The following ZNF273 variants were observed in gnomAD, a reference collection of about 807,000 sequenced individuals.
ZNF273 encodes zinc finger protein 273.
Under a neutral mutation model 14.9 loss-of-function variants are expected in ZNF273, and 11 were observed. That is an observed-to-expected ratio of 0.74 (90% confidence interval 0.46 to 1.22). The LOEUF is 1.22. ZNF273 is among the 50% of genes most tolerant of loss of function. The probability of loss-of-function intolerance (pLI) is 0.00; values close to 1 mark genes in which losing one functional copy is unlikely to be tolerated. For synonymous variants in ZNF273, 199 were observed against 223.9 expected (o/e 0.89, Z 0.99); for missense variants, 577 against 660.6 (o/e 0.87, Z 1.39).
chr7:64,915,316 A>AGG (rs1793894903), intron 1 of ZNF273, among the ~76,000 whole-genome samples: 1 of 147,934 alleles, frequency 6.8e-6, no homozygotes, highest in African/African-American at 2.6e-5. Flanking sequence ...AGAGGAATTA[A>AGG]AGACACACAC....
chr7:64,933,562 A>G (rs1393909328), downstream of ZNF273: 4 of 152,202 alleles, frequency 2.6e-5, no homozygotes, highest in East Asian at 7.7e-4. Context: ...TAAAAACCCT[A>G]AAGTACATTG....
At chr7:64,895,054 T>C (rs1231303562) in intron 3 of ZNF273, among the ~76,000 whole-genome samples, 1 of 152,098 alleles carries the variant, frequency 6.6e-6, no homozygotes, top group East Asian at 1.9e-4. Context: ...GGAGAATCAC[T>C]TGAACCCAGG....
At chr7:64,888,549 T>C (rs936884123) in intron 1 of ZNF273, 2 of 985,702 alleles carry the variant, frequency 2.0e-6, no homozygotes, top group Admixed American at 1.2e-4. Flanking sequence ...TCGTTCTTTA[T>C]TATGATGATT....
chr7:64,932,508 T>G (rs1355372150), downstream of ZNF273, among the ~76,000 whole-genome samples: 1 of 152,024 alleles, frequency 6.6e-6, no homozygotes, highest in Admixed American at 6.5e-5. Context: ...TTCTCCATGT[T>G]GGTGAGGCTG....
At chr7:64,932,729 C>G (rs1374134836), downstream of ZNF273, among the ~76,000 whole-genome samples, 2 of 151,916 alleles carry the variant, frequency 1.3e-5, no homozygotes, top group South Asian at 4.2e-4. Context: ...CGAAACCAGC[C>G]CGGCCAACAT....
chr7:64,925,074 T>A (rs557975314), intron 3 of ZNF273, among the ~76,000 whole-genome samples: 1 of 152,314 alleles, frequency 6.6e-6, no homozygotes. Flanking sequence ...AGTGCTGGGA[T>A]TACAGGCATG....
chr7:64,921,631 TTTTTTTGTG>T (rs1794463668), intron 3 of ZNF273, among the ~76,000 whole-genome samples: 4 of 31,858 alleles, frequency 1.3e-4, no homozygotes, highest in African/African-American at 2.5e-4. Flanking sequence ...TTTTTTTTTT[TTTTTTTGTG>T]TGTGAGACAG....
downstream of ZNF273, among the ~76,000 whole-genome samples, chr7:64,935,686 C>T (rs1795053899): frequency 6.6e-6 from 1 of 152,008 alleles, no homozygotes; most frequent in South Asian, 2.1e-4. Context: ...CTATGCCCAG[C>T]TAATTTTTAC....
downstream of ZNF273, among the ~76,000 whole-genome samples, chr7:64,881,246 G>T (rs1791244959): frequency 6.6e-6 from 1 of 152,204 alleles, no homozygotes; most frequent in Non-Finnish European, 1.5e-5. Flanking sequence ...GACTGAGGCT[G>T]GGTGGGATGT....
chr7:64,920,459 A>G (rs1794346554), intron 3 of ZNF273, among the ~76,000 whole-genome samples: 1 of 152,196 alleles, frequency 6.6e-6, no homozygotes, highest in Non-Finnish European at 1.5e-5. Flanking sequence ...TTCAGGGACC[A>G]TAGTAAAGCC....
At chr7:64,906,727 C>T (rs1337370742) in intron 1 of ZNF273, among the ~76,000 whole-genome samples, 2 of 152,018 alleles carry the variant, frequency 1.3e-5, no homozygotes, top group Non-Finnish European at 2.9e-5. Flanking sequence ...GACCCACAGG[C>T]AGATGCAGTT....
At chr7:64,916,066 C>T (rs1365317715) in intron 1 of ZNF273, among the ~76,000 whole-genome samples, 1 of 151,650 alleles carries the variant, frequency 6.6e-6, no homozygotes, top group East Asian at 1.9e-4. Flanking sequence ...TGTGGTGGCA[C>T]ATGCTTGTAG....
chr7:64,917,738 G>T, intron 2 of ZNF273, 31 bp downstream of exon 2: 1 of 1,540,048 alleles, frequency 6.5e-7, no homozygotes. Flanking sequence ...TAATTTAAAG[G>T]TTTCACTTCT....
At chr7:64,911,062 A>G (rs1044453668) in intron 1 of ZNF273, among the ~76,000 whole-genome samples, 12 of 151,932 alleles carry the variant, frequency 7.9e-5, no homozygotes, top group African/African-American at 2.9e-4. Context: ...GAGCCACTGC[A>G]CTGGGCTAAA....
intron 3 of ZNF273, among the ~76,000 whole-genome samples, chr7:64,920,673 G>A (rs910566450): frequency 6.8e-6 from 1 of 146,232 alleles, no homozygotes; most frequent in South Asian, 2.2e-4. Flanking sequence ...CCTCCCGAAT[G>A]AGGGCCTGCC....
intron 1 of ZNF273, among the ~76,000 whole-genome samples, chr7:64,912,786 TAAAC>T (rs1167131315): frequency 6.6e-6 from 1 of 151,044 alleles, no homozygotes; most frequent in Non-Finnish European, 1.5e-5. Flanking sequence ...AACAGCTAAA[TAAAC>T]CCTTTGTTTT....
At chr7:64,891,117 G>A (rs1262686818), downstream of ZNF273, among the ~76,000 whole-genome samples, 2 of 152,202 alleles carry the variant, frequency 1.3e-5, no homozygotes, top group Non-Finnish European at 2.9e-5. Flanking sequence ...GCCTGGGCAG[G>A]ATGATGTCTT....
At chr7:64,902,247 C>T (rs1792766130), upstream of ZNF273, among the ~76,000 whole-genome samples, 1 of 151,340 alleles carries the variant, frequency 6.6e-6, no homozygotes, top group South Asian at 2.1e-4. Context: ...TTAAAATTCA[C>T]ATGTGGCTTA....
At chr7:64,906,223 A>G (rs1038519339) in intron 1 of ZNF273, among the ~76,000 whole-genome samples, 8 of 152,210 alleles carry the variant, frequency 5.3e-5, no homozygotes, top group African/African-American at 1.9e-4. Context: ...TGCAGAGTAC[A>G]TTTGTAACAG....
Sources: gnomAD v4.1 joint callset for allele counts (sites outside exome capture counted in the v4.1 genomes callset) on GRCh38, gnomAD v4.1.1 for gene constraint, MANE v1.5 for transcripts, NCBI Gene and HGNC (gene_info 2026-07-23, HGNC 2026-07-21) for gene names.